Variants in RIGI observed in about 807,000 individuals in gnomAD.
RIGI encodes antiviral innate immune response receptor RIG-I.
At chr9:32,486,470 A>G in the RIGI span, among the ~76,000 whole-genome samples, 1 of 151,796 alleles carries the variant, frequency 6.6e-6, no homozygotes, top group African/African-American at 2.4e-5. Context: ...AAAAAAAAAA[A>G]AAAGAAGTAG....
the RIGI span, among the ~76,000 whole-genome samples, chr9:32,516,553 T>C: frequency 1.3e-5 from 2 of 152,180 alleles, no homozygotes; most frequent in African/African-American, 4.8e-5. Context: ...GAGTTCCTGA[T>C]TGCTAGGAAG....
the RIGI span, among the ~76,000 whole-genome samples, chr9:32,514,460 C>A: frequency 6.6e-6 from 1 of 152,136 alleles, no homozygotes; most frequent in Non-Finnish European, 1.5e-5. Flanking sequence ...TCATTCTCAG[C>A]AAACTAACAC....
chr9:32,470,341 T>C, the RIGI span, among the ~76,000 whole-genome samples: 5 of 152,350 alleles, frequency 3.3e-5, 1 homozygote, highest in Middle Eastern at 0.014. Context: ...GTAAATACTT[T>C]AGGCTCTGTG....
At chr9:32,481,909 AACAGG>A in the RIGI span, among the ~76,000 whole-genome samples, 3 of 152,130 alleles carry the variant, frequency 2.0e-5, no homozygotes, top group South Asian at 6.2e-4. Context: ...ACTCTCTGCA[AACAGG>A]ATATTCCTCC....
At chr9:32,499,999 T>A in the RIGI span, among the ~76,000 whole-genome samples, 5 of 152,348 alleles carry the variant, frequency 3.3e-5, no homozygotes, top group African/African-American at 9.6e-5. Flanking sequence ...GTAATCCTCT[T>A]TTCTCAGTGA....
At chr9:32,482,008 G>A in the RIGI span, among the ~76,000 whole-genome samples, 24,576 of 152,124 alleles carry the variant, frequency 0.16, 2,150 homozygotes, top group Non-Finnish European at 0.21. Context: ...CCTGAGGTGG[G>A]AGGAGTAAGA....
chr9:32,515,847 A>T, the RIGI span, among the ~76,000 whole-genome samples: 2 of 151,426 alleles, frequency 1.3e-5, no homozygotes, highest in South Asian at 2.1e-4. Flanking sequence ...CCACCACATC[A>T]TTCTCCCTTG....
At chr9:32,468,850 G>C in the RIGI span, among the ~76,000 whole-genome samples, 1 of 152,062 alleles carries the variant, frequency 6.6e-6, no homozygotes, top group Admixed American at 6.6e-5. Flanking sequence ...CCACAATACA[G>C]TTGTATTATG....
chr9:32,457,108 T>C, the RIGI span: 32 of 1,604,910 alleles, frequency 2.0e-5, no homozygotes, highest in African/African-American at 3.2e-4. Flanking sequence ...TAGCTGAAGA[T>C]TGAGGACCTG....
the RIGI span, among the ~76,000 whole-genome samples, chr9:32,468,612 G>A: frequency 6.6e-6 from 1 of 151,966 alleles, no homozygotes; most frequent in Non-Finnish European, 1.5e-5. Context: ...GCTGCAGTGA[G>A]CCATGATGGC....
the RIGI span, among the ~76,000 whole-genome samples, chr9:32,459,104 G>C: frequency 1.4e-5 from 2 of 143,024 alleles, no homozygotes; most frequent in African/African-American, 2.4e-5. Flanking sequence ...GGCCGGGCTG[G>C]TCTCGAACTC....
At chr9:32,461,063 C>T in the RIGI span, among the ~76,000 whole-genome samples, 1 of 150,708 alleles carries the variant, frequency 6.6e-6, no homozygotes, top group African/African-American at 2.4e-5. Flanking sequence ...AAAAAAATGA[C>T]ACCTTACCCA....
At chr9:32,501,342 A>AAT in the RIGI span, among the ~76,000 whole-genome samples, 10 of 148,298 alleles carry the variant, frequency 6.7e-5, no homozygotes, top group Admixed American at 2.0e-4. Context: ...AAAAAAAAAA[A>AAT]AAAATTTTTT....
the RIGI span, among the ~76,000 whole-genome samples, chr9:32,499,630 A>AT: frequency 2.0e-5 from 3 of 151,670 alleles, no homozygotes; most frequent in African/African-American, 7.3e-5. Context: ...TAATTTTTGT[A>AT]TTTTTAGTAA....
chr9:32,481,206 A>G, the RIGI span: 26 of 860,076 alleles, frequency 3.0e-5, no homozygotes, highest in Non-Finnish European at 3.8e-5. Context: ...AGTTTGCTTC[A>G]TAAGAACTTT....
the RIGI span, chr9:32,480,269 C>T: frequency 2.5e-6 from 4 of 1,611,660 alleles, no homozygotes; most frequent in Non-Finnish European, 2.5e-6. Flanking sequence ...TCCTGCTGCT[C>T]GGACATTGCT....
chr9:32,522,619 AT>A, the RIGI span, among the ~76,000 whole-genome samples: 1 of 152,166 alleles, frequency 6.6e-6, no homozygotes, highest in African/African-American at 2.4e-5. Context: ...CAGCTGTGAT[AT>A]GTCTTTGGTG....
At chr9:32,459,656 C>G in the RIGI span, 1 of 821,552 alleles carries the variant, frequency 1.2e-6, no homozygotes. Flanking sequence ...TGGTACCTGA[C>G]TTTGTAAAAT....
the RIGI span, among the ~76,000 whole-genome samples, chr9:32,466,783 G>A: frequency 6.6e-6 from 1 of 151,060 alleles, no homozygotes; most frequent in Non-Finnish European, 1.5e-5. Context: ...ACCTTAGGCT[G>A]GCTTTCTCAG....
Sources: allele counts gnomAD v4.1 joint callset (sites outside exome capture counted in the v4.1 genomes callset), GRCh38; gene constraint gnomAD v4.1.1; transcripts MANE v1.5; gene names NCBI Gene and HGNC (gene_info 2026-07-23, HGNC 2026-07-21).